Variants in CBLB observed in about 807,000 individuals in gnomAD.
CBLB encodes E3 ubiquitin-protein ligase CBL-B.
CBLB carries 31 observed loss-of-function variants against 104.9 expected under a neutral mutation model. That is an observed-to-expected ratio of 0.30 (90% CI 0.22 to 0.40). The LOEUF (loss-of-function observed/expected upper bound fraction) is 0.40, where lower values mean the gene tolerates loss of function less well. Ranked by LOEUF, CBLB falls within the 10% of genes least tolerant of loss-of-function variation. The pLI, the probability that CBLB is intolerant of heterozygous loss-of-function variation, is 1.00. For missense variants in CBLB, 1,062 were observed against 1,214.6 expected (o/e 0.87, Z 1.87); for synonymous variants, 440 against 422.6 (o/e 1.04, Z -0.51).
chr3:105,686,368 C>T (rs2066999425), intron 13 of CBLB, among the ~76,000 whole-genome samples: 1 of 151,440 alleles, frequency 6.6e-6, no homozygotes, highest in South Asian at 2.1e-4. Context: ...GTTTGCAAGG[C>T]ATTGGGAATA....
intron 10 of CBLB, among the ~76,000 whole-genome samples, chr3:105,704,707 C>G: frequency 6.6e-6 from 1 of 151,154 alleles, no homozygotes; most frequent in Non-Finnish European, 1.5e-5. Flanking sequence ...TTTTTTTTTC[C>G]TTAATACTAC....
intron 3 of CBLB, among the ~76,000 whole-genome samples, chr3:105,850,345 T>C (rs1003244584): frequency 7.2e-5 from 11 of 152,088 alleles, no homozygotes; most frequent in Non-Finnish European, 1.5e-4. Context: ...CATAACTGAA[T>C]TTTCTATTTT....
chr3:105,807,403 G>A (rs2083655593), intron 3 of CBLB, among the ~76,000 whole-genome samples: 1 of 152,082 alleles, frequency 6.6e-6, no homozygotes, highest in African/African-American at 2.4e-5. Context: ...GAGATATTCT[G>A]CATTACCAGT....
chr3:105,658,722 G>T lies in CBLB; in HGVS notation c.*248C>A. ...GGTTCAAAGTTCAAGGGAAGTAAAC[G>T]TCTTTAAATTATTTTTGTCAGTTCA... On this transcript the variant is annotated 3_prime_UTR_variant, in exon 19 of 19. Transcript: ENST00000394030. The T allele has an allele frequency of 1.9e-6, 1 of 539,826 alleles. No individual in the cohort carries two copies. The allele number at this position is 539,826 out of a possible 1,614,324, so 33.4% of individuals were successfully genotyped here.
At chr3:105,759,168 AG>A (rs2077364737) in intron 4 of CBLB, among the ~76,000 whole-genome samples, 1 of 152,186 alleles carries the variant, frequency 6.6e-6, no homozygotes. Context: ...GATCATCCCA[AG>A]GAGTCAAAGA....
chr3:105,717,222 C>A (rs981795536), intron 10 of CBLB, among the ~76,000 whole-genome samples: 5 of 152,172 alleles, frequency 3.3e-5, no homozygotes, highest in African/African-American at 1.2e-4. Context: ...TACCCTCTCA[C>A]ATGGATCACT....
chr3:105,841,807 C>T (rs2089589693), intron 3 of CBLB, among the ~76,000 whole-genome samples: 1 of 152,100 alleles, frequency 6.6e-6, no homozygotes, highest in Admixed American at 6.6e-5. Flanking sequence ...AATATCCTTA[C>T]TCTTAAGTAG....
chr3:105,745,163 C>A (rs977933095), intron 6 of CBLB, among the ~76,000 whole-genome samples: 5 of 152,176 alleles, frequency 3.3e-5, no homozygotes, highest in Non-Finnish European at 7.3e-5. Context: ...TACTGCCGTA[C>A]TCAGCATACT....
intron 18 of CBLB, among the ~76,000 whole-genome samples, chr3:105,663,104 TTAC>T (rs1330141151): frequency 8.6e-5 from 13 of 150,500 alleles, no homozygotes; most frequent in African/African-American, 3.3e-4. Flanking sequence ...GTTACTGCTG[TTAC>T]TACTTGAGAC....
At chr3:105,753,560 CAG>C (rs1389365557) in intron 4 of CBLB, among the ~76,000 whole-genome samples, 1 of 151,830 alleles carries the variant, frequency 6.6e-6, no homozygotes, top group Non-Finnish European at 1.5e-5. Context: ...TCATGATACT[CAG>C]AGTAAAAAAA....
intron 5 of CBLB, among the ~76,000 whole-genome samples, chr3:105,749,931 C>G (rs993681365): frequency 6.6e-6 from 1 of 151,896 alleles, no homozygotes; most frequent in Non-Finnish European, 1.5e-5. Flanking sequence ...CAAAAGCACA[C>G]TTTCATCAGT....
In CBLB at chr3:105,851,011, C is replaced by T. The variant is rs555055899; in HGVS notation, c.419+2403G>A. Among the ~76,000 whole-genome samples, 54 of 152,146 alleles carry T rather than the reference C, an allele frequency of 3.5e-4. 1 individual carries two copies. The highest frequency in any genetic ancestry group is 8.8e-5 in the Non-Finnish European group (6 of 68,020). On this transcript the variant is annotated intron_variant, in intron 3 of 18. Coordinates refer to ENST00000394030, the MANE Select transcript of CBLB (RefSeq NM_170662.5). ...CTAAACTTATGCATACCCTGAAAAT[C>T]TAGCAATCTTGCTAGGTATTTTACC... is the stretch of plus-strand genomic sequence containing the variant.
intron 13 of CBLB, among the ~76,000 whole-genome samples, chr3:105,687,467 C>A (rs888775864): frequency 1.3e-5 from 2 of 151,964 alleles, no homozygotes; most frequent in Non-Finnish European, 2.9e-5. Flanking sequence ...AAGTGAAAAG[C>A]AAAGCTCATC....
intron 4 of CBLB, among the ~76,000 whole-genome samples, chr3:105,774,295 C>G (rs1051506924): frequency 6.6e-6 from 1 of 152,070 alleles, no homozygotes; most frequent in Non-Finnish European, 1.5e-5. Context: ...AAAATTCAAC[C>G]TTTCGAAAGG....
chr3:105,736,954 C>T (rs2152868100), intron 8 of CBLB, among the ~76,000 whole-genome samples: 1 of 152,000 alleles, frequency 6.6e-6, no homozygotes, highest in South Asian at 2.1e-4. Flanking sequence ...CATATAAATG[C>T]CAATACTATA....
intron 3 of CBLB, among the ~76,000 whole-genome samples, chr3:105,821,059 T>C (rs991196543): frequency 6.6e-6 from 1 of 152,284 alleles, no homozygotes; most frequent in South Asian, 2.1e-4. Flanking sequence ...AACACTTACA[T>C]TTTTTATACA....
At chr3:105,866,315 C>T (rs1318282983) in intron 2 of CBLB, among the ~76,000 whole-genome samples, 1 of 152,054 alleles carries the variant, frequency 6.6e-6, no homozygotes, top group Non-Finnish European at 1.5e-5. Context: ...GCTTTTATAG[C>T]CAATATTTAC....
Position 105,840,784 on chromosome 3 carries a change from A to G in CBLB, c.419+12630T>C, listed in dbSNP as rs564101475. Among the ~76,000 whole-genome samples the G allele has an allele frequency of 3.3e-5, 5 of 152,164 alleles. No individual in the cohort carries two copies. In the East Asian group the frequency reaches 9.6e-4, roughly 29 times the overall value. The stretch of plus-strand genomic sequence containing the variant: ...ATCATTCTTATATCACATAATTTCA[A>G]CCTTCCTTACCTACTGAAACCAATT... On this transcript the variant is annotated intron_variant, in intron 3 of 18. Transcript: ENST00000394030.
At chr3:105,779,360 T>A (rs528147429) in intron 3 of CBLB, among the ~76,000 whole-genome samples, 2 of 152,326 alleles carry the variant, frequency 1.3e-5, no homozygotes, top group South Asian at 4.1e-4. Flanking sequence ...TGTATATGCT[T>A]CTATTTTCTT....
Sources: allele counts gnomAD v4.1 joint callset (sites outside exome capture counted in the v4.1 genomes callset), GRCh38; gene constraint gnomAD v4.1.1; transcripts MANE v1.5; gene names NCBI Gene and HGNC (gene_info 2026-07-23, HGNC 2026-07-21).